Variants in MZT2B observed in about 807,000 individuals in gnomAD.
MZT2B encodes the protein mitotic-spindle organizing protein 2B.
MZT2B carries 11 observed loss-of-function variants against 12.1 expected under a neutral mutation model. The ratio of observed to expected loss-of-function variants is 0.91; its 90% confidence interval spans 0.57 to 1.50. The LOEUF is 1.50. Among genes scored for constraint, MZT2B ranks in the 40% most tolerant of loss-of-function variants. The pLI is 0.00. For synonymous variants in MZT2B, 85 were observed against 109.5 expected (o/e 0.78, Z 1.40); for missense variants, 209 against 227.7 (o/e 0.92, Z 0.53).
chr2:130,187,839 A>T (rs373688275), intron 2 of MZT2B, among the ~76,000 whole-genome samples: 1 of 152,032 alleles, frequency 6.6e-6, no homozygotes, highest in Non-Finnish European at 1.5e-5. Context: ...GCTTAAAGTT[A>T]TGTTGGTTTC....
downstream of MZT2B, chr2:130,193,884 T>A (rs759252265): frequency 6.2e-7 from 1 of 1,614,186 alleles, no homozygotes; most frequent in Non-Finnish European, 8.5e-7. Context: ...ACGTCCCCCC[T>A]GTACAACATG....
In MZT2B at chr2:130,185,326, C is replaced by A. The variant is rs1399851758; in HGVS notation, c.319+2551C>A. Among the ~76,000 whole-genome samples, 797 of 121,578 alleles carry A rather than the reference C, an allele frequency of 6.6e-3. 15 individuals carry two copies. Among genetic ancestry groups the A allele is most frequent in the African/African-American group, 0.024 (747 of 30,972 alleles). The allele number at this position is 121,578 out of a possible 152,430, so 79.8% of individuals were successfully genotyped here. A position where few individuals can be genotyped will look rare whatever the true frequency, so the allele number is the denominator to read the frequency against. The stretch of plus-strand genomic sequence containing the variant: ...ACTCCGTCTCAAAAAAAAAAAAAAA[C>A]TAGCCAGGTGGGCATGGTGGTGGCG... On this transcript the variant is annotated intron_variant, in intron 2 of 2. Transcript: ENST00000281871.
the MZT2B span, among the ~76,000 whole-genome samples, chr2:130,199,878 T>A: frequency 1.3e-5 from 2 of 150,954 alleles, no homozygotes; most frequent in East Asian, 3.9e-4. Flanking sequence ...GGAGGATCAC[T>A]TGAGGTCAGG....
downstream of MZT2B, among the ~76,000 whole-genome samples, chr2:130,193,241 C>A (rs1690312252): frequency 1.3e-5 from 2 of 151,542 alleles, no homozygotes; most frequent in Admixed American, 1.3e-4. Context: ...CAAAGCGAGA[C>A]CCTGTCTCAA....
rs116026361 is a variant in MZT2B at position 130,186,294 on chromosome 2, C to T, written c.319+3519C>T. ...CTGGGTCCTCTGGATGCCTGTCCCC[C>T]AGCCATCCAGACAGCCTGTGGGGAC... On this transcript the variant is annotated intron_variant, in intron 2 of 2. Coordinates refer to ENST00000281871, the MANE Select transcript of MZT2B (RefSeq NM_025029.5). 4.5e-3 allele frequency among the ~76,000 whole-genome samples: 684 copies of T among 152,254 alleles called. 6 individuals carry two copies. The highest frequency in any genetic ancestry group is 0.015 in the African/African-American group (642 of 41,528).
chr2:130,186,911 TAAAC>T (rs1229996187), intron 2 of MZT2B, among the ~76,000 whole-genome samples: 2 of 144,532 alleles, frequency 1.4e-5, no homozygotes, highest in Admixed American at 7.2e-5. Flanking sequence ...GTCTCAAAAA[TAAAC>T]AAAAAACCCC....
At chr2:130,191,489 G>A (rs982311817), downstream of MZT2B, among the ~76,000 whole-genome samples, 1 of 152,136 alleles carries the variant, frequency 6.6e-6, no homozygotes, top group African/African-American at 2.4e-5. Flanking sequence ...AAAGAAGCCC[G>A]AAAAATCACA....
At chr2:130,182,160 G>A (rs912809360), upstream of MZT2B, 33 of 1,261,178 alleles carry the variant, frequency 2.6e-5, no homozygotes, top group South Asian at 4.6e-5. Flanking sequence ...CCGTCCCCGC[G>A]CTCCCGCCCC....
the MZT2B span, chr2:130,202,212 A>C: frequency 1.0e-6 from 1 of 974,228 alleles, no homozygotes; most frequent in Admixed American, 3.1e-5. Flanking sequence ...CACTAAAAAA[A>C]ACAGTCCTGT....
At chr2:130,204,210 A>C in the MZT2B span, 1 of 1,214,584 alleles carries the variant, frequency 8.2e-7, no homozygotes, top group Non-Finnish European at 1.1e-6. Context: ...CCCAAGCCAA[A>C]GAACTGAAAG....
chr2:130,187,929 A>G (rs959059628), intron 2 of MZT2B, among the ~76,000 whole-genome samples: 34 of 152,084 alleles, frequency 2.2e-4, no homozygotes, highest in African/African-American at 7.7e-4. Context: ...TTGTAGTCCC[A>G]GCTACATCGG....
At chr2:130,192,892 G>C (rs1389595204), downstream of MZT2B, among the ~76,000 whole-genome samples, 1 of 152,176 alleles carries the variant, frequency 6.6e-6, no homozygotes, top group Non-Finnish European at 1.5e-5. Context: ...CCAGGGGTTT[G>C]AGACCAGCCT....
chr2:130,184,539 G>A, intron 2 of MZT2B: 2 of 985,328 alleles, frequency 2.0e-6, no homozygotes, highest in Non-Finnish European at 2.4e-6. Context: ...TCCTGTGAGA[G>A]CCCAGGGGTC....
At chr2:130,201,908 GTAT>G in the MZT2B span, among the ~76,000 whole-genome samples, 1 of 152,150 alleles carries the variant, frequency 6.6e-6, no homozygotes, top group Admixed American at 6.5e-5. Flanking sequence ...GAAAAATATG[GTAT>G]TATAACTTTA....
intron 1 of MZT2B, 26 bp from the exon 2 acceptor site, chr2:130,182,601 A>G: frequency 6.4e-7 from 1 of 1,554,182 alleles, no homozygotes; most frequent in Non-Finnish European, 8.7e-7. Flanking sequence ...GAGAGGGCTC[A>G]CCGGCCCCGC....
chr2:130,195,762 C>T, the MZT2B span, among the ~76,000 whole-genome samples: 1 of 152,242 alleles, frequency 6.6e-6, no homozygotes, highest in East Asian at 1.9e-4. Flanking sequence ...CTGTTCTGTA[C>T]TTACCTTCTA....
chr2:130,193,800 G>A, downstream of MZT2B: 5 of 1,608,456 alleles, frequency 3.1e-6, no homozygotes, highest in Non-Finnish European at 4.3e-6. Flanking sequence ...AATCCAGTCG[G>A]GCACCAATCC....
At chr2:130,189,239 G>A (rs1690172890) in intron 2 of MZT2B, among the ~76,000 whole-genome samples, 1 of 152,156 alleles carries the variant, frequency 6.6e-6, no homozygotes, top group Non-Finnish European at 1.5e-5. Flanking sequence ...CTGAGGGGGT[G>A]GGGTGTGGAG....
At position 130,184,497 on chromosome 2, in the gene MZT2B, C is replaced by T. The variant is rs74834826; in HGVS notation, c.319+1722C>T. The stretch of plus-strand genomic sequence containing the variant: ...CTGAGTTAGCACACTTTCCAGGTGT[C>T]AGCAGGTGTGATCAGGGGCTCAGAG... On this transcript the variant is annotated intron_variant, in intron 2 of 2. Transcript: ENST00000281871. 27 of 985,410 alleles carry T rather than the reference C, an allele frequency of 2.7e-5. No homozygotes were observed. The East Asian group carries it at 2.4e-3, about 87-fold the overall frequency. 61.0% of individuals were successfully genotyped at this position (985,410 alleles called of 1,614,324 possible).
Sources: allele counts gnomAD v4.1 joint callset (sites outside exome capture counted in the v4.1 genomes callset), GRCh38; gene constraint gnomAD v4.1.1; transcripts MANE v1.5; gene names NCBI Gene and HGNC (gene_info 2026-07-23, HGNC 2026-07-21).